The following PCDH15 variants were observed in gnomAD, a reference collection of about 807,000 sequenced individuals.
The protein encoded by PCDH15 is protocadherin-15.
In PCDH15, 129 loss-of-function variants were observed where a neutral mutation model predicts 178.5. The ratio of observed to expected loss-of-function variants is 0.72; its 90% CI spans 0.63 to 0.84. The LOEUF is 0.84. PCDH15 is among the 40% of genes least tolerant of loss of function. PCDH15 has a pLI of 0.00. For missense variants in PCDH15, 2,230 were observed against 2,099.9 expected (o/e 1.06, Z -1.21); for synonymous variants, 800 against 732.0 (o/e 1.09, Z -1.50).
At chr10:55,482,402 G>T (rs1370907553) in intron 2 of PCDH15, among the ~76,000 whole-genome samples, 3 of 151,856 alleles carry the variant, frequency 2.0e-5, no homozygotes, top group African/African-American at 7.2e-5. Context: ...TTTCATGATT[G>T]CTTTATAGTG....
At chr10:55,035,494 A>G (rs1006843183) in intron 2 of PCDH15, among the ~76,000 whole-genome samples, 1 of 152,112 alleles carries the variant, frequency 6.6e-6, no homozygotes, top group Non-Finnish European at 1.5e-5. Flanking sequence ...ACCCAAATAA[A>G]TTTGTTGTTC....
At chr10:54,372,931 A>G (rs1947886759) in intron 4 of PCDH15, among the ~76,000 whole-genome samples, 1 of 151,888 alleles carries the variant, frequency 6.6e-6, no homozygotes, top group Admixed American at 6.6e-5. Flanking sequence ...CAACAATTAA[A>G]GGATACTATC....
In PCDH15 at chr10:54,340,191, C is replaced by T. The variant is rs1262471155; in HGVS notation, c.594+6174G>A. The stretch of plus-strand genomic sequence containing the variant: ...ATAGGGAATGCTGCAGGAACAAACC[C>T]TTAAACTTTCATTTTTTTCTTTACT... On this transcript the variant is annotated intron_variant, in intron 6 of 37. Coordinates refer to ENST00000644397, the MANE Select transcript of PCDH15 (RefSeq NM_001384140.1). Among the ~76,000 whole-genome samples the T allele has an allele frequency of 2.6e-5, 4 of 152,212 alleles. No homozygotes were observed. In the East Asian group the frequency reaches 7.7e-4, roughly 29 times the overall value.
chr10:54,054,688 T>G (rs1289043312), intron 18 of PCDH15, among the ~76,000 whole-genome samples: 1 of 152,152 alleles, frequency 6.6e-6, no homozygotes, highest in East Asian at 1.9e-4. Flanking sequence ...AATCTATTTA[T>G]GAGCTGCTAA....
At chr10:54,557,230 C>A (rs922433651) in intron 2 of PCDH15, among the ~76,000 whole-genome samples, 8 of 152,032 alleles carry the variant, frequency 5.3e-5, no homozygotes, top group Admixed American at 5.2e-4. Flanking sequence ...TTTAATCACA[C>A]AAGGAAGGTA....
chr10:54,971,233 G>A (rs148622321), intron 2 of PCDH15, among the ~76,000 whole-genome samples: 85 of 152,250 alleles, frequency 5.6e-4, no homozygotes, highest in African/African-American at 1.8e-3. Context: ...AGTTTTAAGA[G>A]GTGGGGCCTT....
At chr10:54,057,294 G>A (rs1016499685) in intron 18 of PCDH15, among the ~76,000 whole-genome samples, 3 of 152,252 alleles carry the variant, frequency 2.0e-5, no homozygotes, top group African/African-American at 7.2e-5. Context: ...CCCTGGCAGA[G>A]GTTCTCCATG....
intron 2 of PCDH15, among the ~76,000 whole-genome samples, chr10:54,901,955 T>G (rs1364794037): frequency 6.7e-6 from 1 of 150,346 alleles, no homozygotes; most frequent in East Asian, 2.0e-4. Context: ...TATATATATA[T>G]TTATTAAGCA....
chr10:54,009,686 C>G (rs138496346), intron 20 of PCDH15, among the ~76,000 whole-genome samples: 2 of 152,176 alleles, frequency 1.3e-5, no homozygotes, highest in African/African-American at 2.4e-5. Context: ...CAACTGCCCA[C>G]CCTGGGGTGG....
At chr10:53,817,892 CAAAG>C in intron 34 of PCDH15, 99 bp downstream of exon 34, 1 of 397,310 alleles carries the variant, frequency 2.5e-6, no homozygotes, top group East Asian at 3.6e-5. Flanking sequence ...TTGCTGAAAT[CAAAG>C]AAAATAAACT....
intron 2 of PCDH15, among the ~76,000 whole-genome samples, chr10:55,529,338 T>C (rs1841390280): frequency 1.3e-5 from 2 of 152,078 alleles, no homozygotes; most frequent in South Asian, 2.1e-4. Context: ...CTAGGCTTTC[T>C]TCTAGGGTTT....
At chr10:55,368,583 A>T (rs989908168) in intron 2 of PCDH15, among the ~76,000 whole-genome samples, 1 of 152,144 alleles carries the variant, frequency 6.6e-6, no homozygotes, top group Admixed American at 6.6e-5. Context: ...CACAGTCTGA[A>T]ATCTTAGAGT....
chr10:54,436,522 C>T (rs1322416532), intron 3 of PCDH15, among the ~76,000 whole-genome samples: 1 of 152,068 alleles, frequency 6.6e-6, no homozygotes, highest in East Asian at 1.9e-4. Flanking sequence ...TGAGAAATGA[C>T]TTCAGAAGTT....
chr10:54,802,167 C>T (rs539294416), upstream of PCDH15, among the ~76,000 whole-genome samples: 3 of 152,194 alleles, frequency 2.0e-5, no homozygotes, highest in African/African-American at 4.8e-5. Flanking sequence ...TCTTAATGAA[C>T]CATGTGGATT....
At chr10:53,868,235 A>G (rs1031387853) in intron 26 of PCDH15, among the ~76,000 whole-genome samples, 1 of 151,866 alleles carries the variant, frequency 6.6e-6, no homozygotes, top group Admixed American at 6.6e-5. Context: ...TATTATTTTT[A>G]TTATCCGATT....
At chr10:55,613,957 A>C (rs1285905639) in intron 2 of PCDH15, among the ~76,000 whole-genome samples, 1 of 151,832 alleles carries the variant, frequency 6.6e-6, no homozygotes, top group Non-Finnish European at 1.5e-5. Context: ...AAAATACAAA[A>C]ACAAAAATTA....
At chr10:53,851,240 T>C (rs1053524329) in intron 28 of PCDH15, among the ~76,000 whole-genome samples, 14 of 152,130 alleles carry the variant, frequency 9.2e-5, no homozygotes, top group African/African-American at 3.1e-4. Flanking sequence ...TCCAAAATTT[T>C]CTACTTGATA....
chr10:55,544,096 A>G (rs1841822057), intron 2 of PCDH15, among the ~76,000 whole-genome samples: 1 of 141,446 alleles, frequency 7.1e-6, no homozygotes, highest in Admixed American at 7.4e-5. Flanking sequence ...AGATCAACTG[A>G]GTTTAAACAT....
At chr10:55,229,158 G>A (rs539822937) in intron 1 of PCDH15, among the ~76,000 whole-genome samples, 9 of 151,374 alleles carry the variant, frequency 5.9e-5, no homozygotes, top group African/African-American at 9.7e-5. Flanking sequence ...TCTCTCCAAC[G>A]TATTTAAAAA....
Sources: allele counts gnomAD v4.1 joint callset (sites outside exome capture counted in the v4.1 genomes callset), GRCh38; gene constraint gnomAD v4.1.1; transcripts MANE v1.5; gene names NCBI Gene and HGNC (gene_info 2026-07-23, HGNC 2026-07-21).